Variants in AGAP3 observed in about 807,000 individuals in gnomAD.
AGAP3 encodes ArfGAP with GTPase domain, ankyrin repeat and PH domain 3.
A neutral mutation model predicts 96.9 loss-of-function variants in AGAP3; 24 were observed. That is an observed-to-expected ratio of 0.25 (90% CI 0.18 to 0.35). The LOEUF (loss-of-function observed/expected upper bound fraction) is 0.35. AGAP3 is among the 10% of genes least tolerant of loss of function. The pLI is 1.00. For missense variants in AGAP3, 876 were observed against 1,254.2 expected (o/e 0.70, Z 4.55); for synonymous variants, 563 against 536.1 (o/e 1.05, Z -0.69).
At chr7:151,111,124 G>A (rs191745141) in intron 1 of AGAP3, among the ~76,000 whole-genome samples, 1 of 152,326 alleles carries the variant, frequency 6.6e-6, no homozygotes, top group East Asian at 1.9e-4. Flanking sequence ...GTCTTGGTGT[G>A]GCCCCCACTG....
At position 151,114,956 on chromosome 7, in the gene AGAP3, G is replaced by C. The variant is rs1459070312; in HGVS notation, c.332-1837G>C. 5 of 982,832 alleles carry C rather than the reference G, an allele frequency of 5.1e-6. No individual in the cohort carries two copies. Among genetic ancestry groups the C allele is most frequent in the Admixed American group, 6.3e-5 (1 of 15,840 alleles). 60.9% of individuals were successfully genotyped at this position (982,832 alleles called of 1,614,324 possible). A position where few individuals can be genotyped will look rare whatever the true frequency, so the allele number is the denominator to read the frequency against. ...CGGCGCGGCCGCGGAGCGTGTGCTC[G>C]GGCGGCCCGGAGCCGCCGCCCACCG... On this transcript the variant is annotated intron_variant, in intron 1 of 17. Coordinates refer to ENST00000397238, the MANE Select transcript of AGAP3 (RefSeq NM_031946.7). This position sits in a 1 kb window ranked among gnomAD's most constrained non-coding sequence, Gnocchi z 4.4.
At chr7:151,109,352 C>T (rs958316347) in intron 1 of AGAP3, among the ~76,000 whole-genome samples, 2 of 152,112 alleles carry the variant, frequency 1.3e-5, no homozygotes, top group African/African-American at 4.8e-5. Context: ...GTCTCAAAAA[C>T]CAAAAAGTTT....
chr7:151,141,511 T>C lies in AGAP3; in HGVS notation c.1805-387T>C, dbSNP rs1414890146. 1.3e-5 allele frequency: 3 copies of C among 236,620 alleles called. No homozygotes were observed. The highest frequency in any genetic ancestry group is 5.1e-5 in the Admixed American group (1 of 19,610). The allele number at this position is 236,620 out of a possible 1,614,324, so 14.7% of individuals were successfully genotyped here. A position where few individuals can be genotyped will look rare whatever the true frequency, so the allele number is the denominator to read the frequency against. On this transcript the variant is annotated intron_variant, in intron 13 of 17. Coordinates refer to ENST00000397238, the MANE Select transcript of AGAP3 (RefSeq NM_031946.7). The surrounding 1 kb of genome is among the most constrained non-coding windows in gnomAD (Gnocchi z 4.2). Reference sequence around the variant, plus strand: ...GTACGGATGGTGCCCACACCCGCCTTCCCCCACCCTCTCCCAGTGTTTGCC... The same window carrying C: ...GTACGGATGGTGCCCACACCCGCCTCCCCCCACCCTCTCCCAGTGTTTGCC...
At chr7:151,102,616 T>A (rs1277467926) in intron 1 of AGAP3, among the ~76,000 whole-genome samples, 38 of 139,874 alleles carry the variant, frequency 2.7e-4, no homozygotes, top group East Asian at 1.5e-3. Flanking sequence ...AAAAAAAAAA[T>A]TTCTTTTTTT....
Position 151,117,915 on chromosome 7 carries a change from T to C in AGAP3, c.706+138T>C, listed in dbSNP as rs1412374619. ...GTGCTGACTGGGACCCTCAGCACTC[T>C]CCGTGCTGCTCGTGTCTGAGGGCTT... On this transcript the variant is annotated intron_variant, in intron 5 of 17. Coordinates refer to ENST00000397238, the MANE Select transcript of AGAP3 (RefSeq NM_031946.7). 7 of 1,223,062 alleles carry C rather than the reference T, an allele frequency of 5.7e-6. No homozygotes were observed. In the African/African-American group the frequency reaches 1.1e-4, roughly 19 times the overall value. 75.8% of individuals were successfully genotyped at this position (1,223,062 alleles called of 1,614,324 possible). A position where few individuals can be genotyped will look rare whatever the true frequency, so the allele number is the denominator to read the frequency against.
chr7:151,134,420 C>T lies in AGAP3; in HGVS notation c.1347C>T (p.His449=), dbSNP rs376886180. 40 of 1,613,558 alleles carry T rather than the reference C, an allele frequency of 2.5e-5. No individual in the cohort carries two copies. Among genetic ancestry groups the T allele is most frequent in the Non-Finnish European group, 3.2e-5 (38 of 1,180,042 alleles). The change falls in exon 11 of 18, where the codon CAC becomes CAT. Residue 449 remains histidine (H), a synonymous_variant. Coordinates refer to ENST00000397238, the MANE Select transcript of AGAP3 (RefSeq NM_031946.7). ...PSLHDYMQNI[H]GKEIDLLRTT... ...TGCAGGATTACATGCAGAACATCCACGGCAAGGAGATTGACCTGCTGCGGA... is the reference window on the plus strand; with the variant it reads ...TGCAGGATTACATGCAGAACATCCATGGCAAGGAGATTGACCTGCTGCGGA...
rs1584780840 is a variant in AGAP3, at chr7:151,134,587, TG to T, written c.1495+24del. 1 of 1,579,688 alleles carries T rather than the reference TG, an allele frequency of 6.3e-7. No individual in the cohort carries two copies. The highest frequency in any genetic ancestry group is 8.6e-7 in the Non-Finnish European group (1 of 1,159,236). ...GGCACAGGTGAGGCGGCTGCTGAGG[TG>T]GGGGCCTGGGGGGTGGCTGCCTTGG... On this transcript the variant is annotated intron_variant, in intron 11 of 17. Transcript: ENST00000397238.
In AGAP3 at chr7:151,117,975, G is replaced by C. The variant is rs79006664; in HGVS notation, c.706+198G>C. On this transcript the variant is annotated intron_variant, in intron 5 of 17. Transcript: ENST00000397238. ...CTGAAACCTGCTGTCCCTGTGACTA[G>C]CAGGTCTGTGTTTTTTTAGATGAAT... The C allele has an allele frequency of 2.0e-3, 1,769 of 893,822 alleles. 23 individuals are homozygous for C. The African/African-American group carries it at 0.027, about 14-fold the overall frequency. 55.4% of individuals were successfully genotyped at this position (893,822 alleles called of 1,614,324 possible). A position where few individuals can be genotyped will look rare whatever the true frequency, so the allele number is the denominator to read the frequency against.
intron 1 of AGAP3, among the ~76,000 whole-genome samples, chr7:151,105,050 G>A (rs1430930520): frequency 1.3e-5 from 2 of 152,140 alleles, no homozygotes; most frequent in Non-Finnish European, 2.9e-5. Flanking sequence ...AGAGGGAAGA[G>A]GGCATGCGGC....
intron 10 of AGAP3, among the ~76,000 whole-genome samples, 177 bp from the exon 11 acceptor site, chr7:151,134,223 G>A (rs555836316): frequency 2.6e-5 from 4 of 152,228 alleles, no homozygotes; most frequent in Admixed American, 6.5e-5. Context: ...TTTGAGCACC[G>A]TGGAGATCGA....
At chr7:151,125,994 G>T (rs1800145258) in intron 9 of AGAP3, among the ~76,000 whole-genome samples, 1 of 150,836 alleles carries the variant, frequency 6.6e-6, no homozygotes, top group Non-Finnish European at 1.5e-5. Flanking sequence ...TTTGGAGAGG[G>T]AGTGGGAAGA....
At chr7:151,138,777 C>A (rs997091021) in intron 12 of AGAP3, among the ~76,000 whole-genome samples, 2 of 152,278 alleles carry the variant, frequency 1.3e-5, no homozygotes, top group Admixed American at 6.5e-5. Context: ...ATGTGAGCCA[C>A]GTTCCGAAGG....
Position 151,143,271 on chromosome 7 carries a change from C to T in AGAP3, c.2274-70C>T, listed in dbSNP as rs756358880. The T allele has an allele frequency of 3.6e-5, 55 of 1,528,342 alleles. No homozygotes were observed. The highest frequency in any genetic ancestry group is 4.7e-5 in the Non-Finnish European group (53 of 1,137,278). The allele number at this position is 1,528,342 out of a possible 1,614,324, so 94.7% of individuals were successfully genotyped here. ...CCGGGTGCTCGCTTCCTTTCCTGCCCACCTTCCTGGCCCCACCCGTTGCTC... is the reference window on the plus strand; with the variant it reads ...CCGGGTGCTCGCTTCCTTTCCTGCCTACCTTCCTGGCCCCACCCGTTGCTC... On this transcript the variant is annotated intron_variant, in intron 16 of 17. Transcript: ENST00000397238. This position sits in a 1 kb window ranked among gnomAD's most constrained non-coding sequence, Gnocchi z 5.9.
intron 1 of AGAP3, among the ~76,000 whole-genome samples, chr7:151,089,548 C>T (rs950379110): frequency 1.3e-5 from 2 of 152,132 alleles, no homozygotes; most frequent in African/African-American, 2.4e-5. Flanking sequence ...CTGAAGGTGA[C>T]GTGGGACCTG....
chr7:151,132,252 G>C (rs780193661), intron 10 of AGAP3, among the ~76,000 whole-genome samples: 3 of 152,242 alleles, frequency 2.0e-5, no homozygotes, highest in Non-Finnish European at 4.4e-5. Flanking sequence ...TCTCCGCCAA[G>C]TGTGGGCCGA....
chr7:151,135,091 G>C (rs911043086), intron 11 of AGAP3, among the ~76,000 whole-genome samples: 21 of 152,180 alleles, frequency 1.4e-4, no homozygotes, highest in Non-Finnish European at 2.6e-4. Flanking sequence ...CTTTTCAACT[G>C]ACAGTGCTGG....
chr7:151,116,772 G>GGGC, intron 1 of AGAP3, 21 bp from the exon 2 acceptor site: 1 of 1,614,052 alleles, frequency 6.2e-7, no homozygotes, highest in Non-Finnish European at 8.5e-7. Flanking sequence ...GGCCCTGACG[G>GGGC]GGCGGCTCTG....
chr7:151,119,050 C>A, intron 7 of AGAP3: 1 of 217,774 alleles, frequency 4.6e-6, no homozygotes, highest in South Asian at 9.5e-5. Flanking sequence ...GGTTGCATTT[C>A]AGAGACCCTT....
chr7:151,105,284 A>G (rs1798997761), intron 1 of AGAP3, among the ~76,000 whole-genome samples: 1 of 152,222 alleles, frequency 6.6e-6, no homozygotes, highest in South Asian at 2.1e-4. Context: ...TTCAGAAAAC[A>G]GGGTGATGTA....
Sources: gnomAD v4.1 joint callset for allele counts (sites outside exome capture counted in the v4.1 genomes callset) on GRCh38, gnomAD v4.1.1 for gene constraint, Gnocchi (gnomAD v3.1) non-coding constraint, MANE v1.5 for transcripts, NCBI Gene and HGNC (gene_info 2026-07-23, HGNC 2026-07-21) for gene names.